PDE4D: variants seen among roughly 807,000 people sequenced by gnomAD.
The protein encoded by PDE4D is phosphodiesterase 4D, also known as 3',5'-cyclic-AMP phosphodiesterase 4D.
A neutral mutation model predicts 87.4 loss-of-function variants in PDE4D; 24 were observed. That is an observed-to-expected ratio of 0.27 (90% confidence interval 0.20 to 0.39). The LOEUF (loss-of-function observed/expected upper bound fraction) is 0.39, where lower values mean the gene tolerates loss of function less well. PDE4D is among the 10% of genes least tolerant of loss of function. PDE4D has a pLI of 1.00. For missense variants in PDE4D, 714 were observed against 1,041.0 expected, an observed-to-expected ratio of 0.69 and a Z score of 4.32; for synonymous variants, 384 against 383.2, an observed-to-expected ratio of 1.00 and a Z score of -0.02.
chr5:59,828,414 T>C (rs1414600113), intron 1 of PDE4D, among the ~76,000 whole-genome samples: 8 of 151,966 alleles, frequency 5.3e-5, no homozygotes, highest in Admixed American at 5.2e-4. Context: ...GGGTATAAAA[T>C]ACATGTATTT....
chr5:59,884,196 G>GTC (rs150739806), intron 1 of PDE4D, among the ~76,000 whole-genome samples: 6 of 151,262 alleles, frequency 4.0e-5, no homozygotes, highest in Middle Eastern at 3.4e-3. Flanking sequence ...CTCTGTCTTT[G>GTC]TCTCTCTCTC....
chr5:59,308,625 T>G (rs1771901911), intron 1 of PDE4D, among the ~76,000 whole-genome samples: 1 of 151,562 alleles, frequency 6.6e-6, no homozygotes, highest in Admixed American at 6.6e-5. Flanking sequence ...GATTTTCCTT[T>G]ATAGGTTACC....
intron 2 of PDE4D, among the ~76,000 whole-genome samples, chr5:59,195,840 A>T (rs539295393): frequency 6.6e-6 from 1 of 152,300 alleles, no homozygotes; most frequent in Non-Finnish European, 1.5e-5. Context: ...TTTAAATCAT[A>T]ATGATTTTTG....
chr5:59,624,416 T>C (rs298049), intron 1 of PDE4D, among the ~76,000 whole-genome samples: 119,219 of 152,084 alleles, frequency 0.78, 47,628 homozygotes, highest in South Asian at 0.88. Flanking sequence ...TTTTTTTCAG[T>C]CTCCTCCCTT....
chr5:59,022,029 T>C (rs538942676), intron 6 of PDE4D, among the ~76,000 whole-genome samples: 2 of 152,212 alleles, frequency 1.3e-5, no homozygotes, highest in Non-Finnish European at 2.9e-5. Context: ...AGGCAACAGG[T>C]GAAGCTGACG....
intron 1 of PDE4D, among the ~76,000 whole-genome samples, chr5:60,441,578 T>C (rs1406538456): frequency 6.6e-6 from 1 of 152,104 alleles, no homozygotes; most frequent in Non-Finnish European, 1.5e-5. Flanking sequence ...AAAGCCAAAA[T>C]AGACAAATGG....
chr5:59,107,822 C>T (rs879340159), intron 5 of PDE4D, among the ~76,000 whole-genome samples: 1 of 152,170 alleles, frequency 6.6e-6, no homozygotes, highest in African/African-American at 2.4e-5. Flanking sequence ...TGGGCTTAAA[C>T]ATTAAGAAAG....
chr5:59,416,016 T>C (rs972209694), intron 1 of PDE4D, among the ~76,000 whole-genome samples: 1 of 152,294 alleles, frequency 6.6e-6, no homozygotes, highest in Middle Eastern at 3.4e-3. Flanking sequence ...AAATCTCTAT[T>C]TTCGGAAGAT....
At chr5:60,482,221 TAGG>T (rs902652643) in intron 1 of PDE4D, among the ~76,000 whole-genome samples, 1 of 151,978 alleles carries the variant, frequency 6.6e-6, no homozygotes, top group African/African-American at 2.4e-5. Context: ...GTGAAGATAA[TAGG>T]AGAAGTCAGC....
chr5:59,899,385 A>T (rs917900021), intron 3 of PDE4D, among the ~76,000 whole-genome samples: 1 of 152,076 alleles, frequency 6.6e-6, no homozygotes, highest in Non-Finnish European at 1.5e-5. Context: ...AATAAAGAAA[A>T]GTTCTGGCCC....
At chr5:60,329,520 A>G (rs1166555082) in intron 1 of PDE4D, among the ~76,000 whole-genome samples, 1 of 150,700 alleles carries the variant, frequency 6.6e-6, no homozygotes, top group Non-Finnish European at 1.5e-5. Flanking sequence ...GGACTAATGT[A>G]CCTATTAATC....
intron 6 of PDE4D, among the ~76,000 whole-genome samples, chr5:59,024,943 A>G (rs1755929207): frequency 6.6e-6 from 1 of 152,150 alleles, no homozygotes; most frequent in Non-Finnish European, 1.5e-5. Context: ...CAAGAGGACA[A>G]GTGTTTAGTT....
intron 1 of PDE4D, among the ~76,000 whole-genome samples, chr5:59,428,145 T>G (rs1267422266): frequency 1.3e-5 from 2 of 152,150 alleles, no homozygotes; most frequent in African/African-American, 4.8e-5. Flanking sequence ...CTAGGTGATT[T>G]TCTAATAATT....
intron 5 of PDE4D, among the ~76,000 whole-genome samples, chr5:59,140,873 C>CCTT (rs56774766): frequency 0.039 from 5,913 of 152,174 alleles, 345 homozygotes; most frequent in African/African-American, 0.12. Context: ...AGGAGACAAT[C>CCTT]CTTTGAAGGT....
chr5:59,186,467 T>C lies in PDE4D; in HGVS notation c.685-1205A>G, dbSNP rs148960090. 6.6e-3 allele frequency among the ~76,000 whole-genome samples: 1,001 copies of C among 152,318 alleles called. 9 individuals are homozygous for C. Among genetic ancestry groups the C allele is most frequent in the African/African-American group, 0.022 (894 of 41,574 alleles). On this transcript the variant is annotated intron_variant, in intron 3 of 14. Coordinates refer to ENST00000340635, the MANE Select transcript of PDE4D (RefSeq NM_001104631.2). The stretch of plus-strand genomic sequence containing the variant: ...TTGGCATGCACTTGGGAAATTTACT[T>C]AATGCCTAGCATTGGTAATTCAAGA...
chr5:59,816,606 T>C (rs1171475964), intron 1 of PDE4D, among the ~76,000 whole-genome samples: 1 of 152,242 alleles, frequency 6.6e-6, no homozygotes, highest in Non-Finnish European at 1.5e-5. Flanking sequence ...GGTCGTCTTT[T>C]TGGGGATATA....
At chr5:59,422,198 T>C (rs1029786340) in intron 1 of PDE4D, among the ~76,000 whole-genome samples, 1 of 152,030 alleles carries the variant, frequency 6.6e-6, no homozygotes, top group Non-Finnish European at 1.5e-5. Context: ...GCACTGACCA[T>C]CTTTTCAAAT....
chr5:59,891,106 C>A lies in PDE4D; in HGVS notation c.455+2062G>T, dbSNP rs74685811. 4.8e-3 allele frequency among the ~76,000 whole-genome samples: 736 copies of A among 152,276 alleles called. 8 individuals are homozygous for A. The highest frequency in any genetic ancestry group is 0.017 in the African/African-American group (694 of 41,558). On this transcript the variant is annotated intron_variant, in intron 1 of 14. Transcript: ENST00000340635. Reference sequence around the variant, plus strand: ...TGATATATCAGGTGAGCCACAGTGGCAGCTACATATAAATATTATACATCT... The same window carrying A: ...TGATATATCAGGTGAGCCACAGTGGAAGCTACATATAAATATTATACATCT...
At chr5:59,869,649 A>G (rs1408856615) in intron 1 of PDE4D, among the ~76,000 whole-genome samples, 1 of 152,162 alleles carries the variant, frequency 6.6e-6, no homozygotes, top group East Asian at 1.9e-4. Flanking sequence ...TTTTCTCGTA[A>G]TTACCAGTTG....
Sources: allele counts gnomAD v4.1 joint callset (sites outside exome capture counted in the v4.1 genomes callset), GRCh38; gene constraint gnomAD v4.1.1; transcripts MANE v1.5; gene names NCBI Gene and HGNC (gene_info 2026-07-23, HGNC 2026-07-21).